ALDH1A3: variants seen among roughly 807,000 people sequenced by gnomAD.
The protein encoded by ALDH1A3 is aldehyde dehydrogenase 1 family member A3.
ALDH1A3 carries 28 observed loss-of-function variants against 57.5 expected under a neutral mutation model. The observed-to-expected ratio is 0.49, with a 90% CI of 0.36 to 0.67. ALDH1A3 has a LOEUF of 0.67. ALDH1A3 is among the 30% of genes least tolerant of loss of function. The pLI, the probability that ALDH1A3 is intolerant of heterozygous loss-of-function variation, is 0.00. For missense variants in ALDH1A3, 507 were observed against 669.4 expected (o/e 0.76, Z 2.68); for synonymous variants, 281 against 264.8 (o/e 1.06, Z -0.59).
In ALDH1A3 at chr15:100,894,162, G is replaced by A; in HGVS notation, c.666+80G>A. The stretch of plus-strand genomic sequence containing the variant: ...GGAACCAGGCCACCGTCACGAGATG[G>A]GACAGTGGCAGACTGCTGGCAATCG... On this transcript the variant is annotated intron_variant, in intron 6 of 12. Transcript: ENST00000329841. This position sits in a 1 kb window ranked among gnomAD's most constrained non-coding sequence, Gnocchi z 4.5. 1.3e-6 allele frequency: 2 copies of A among 1,532,790 alleles called. No individual in the cohort carries two copies. The highest frequency in any genetic ancestry group is 1.8e-6 in the Non-Finnish European group (2 of 1,127,698). The allele number at this position is 1,532,790 out of a possible 1,614,324, so 94.9% of individuals were successfully genotyped here.
chr15:100,887,792 A>C lies in ALDH1A3; in HGVS notation c.345+80A>C. 3 of 1,471,766 alleles carry C rather than the reference A, an allele frequency of 2.0e-6. No individual in the cohort carries two copies. Among genetic ancestry groups the C allele is most frequent in the Middle Eastern group, 4.8e-4 (2 of 4,208 alleles). 91.2% of individuals were successfully genotyped at this position (1,471,766 alleles called of 1,614,324 possible). ...CTGTCCACCATGGGGTATGGGAAAA[A>C]AGATCACGGTCCTGGTTTTGTGTGG... is the stretch of plus-strand genomic sequence containing the variant. On this transcript the variant is annotated intron_variant, in intron 3 of 12. Transcript: ENST00000329841. This position sits in a 1 kb window ranked among gnomAD's most constrained non-coding sequence, Gnocchi z 4.6.
intron 12 of ALDH1A3, among the ~76,000 whole-genome samples, chr15:100,912,802 T>C (rs2041893319): frequency 6.6e-6 from 1 of 152,204 alleles, no homozygotes; most frequent in Non-Finnish European, 1.5e-5. Flanking sequence ...CTAAGCAACA[T>C]AGTTCTAAGC....
rs2041699559 is a variant in ALDH1A3, at chr15:100,896,013, G to A, written c.747G>A (p.Gln249=). 1.2e-6 allele frequency: 2 copies of A among 1,612,716 alleles called. No individual in the cohort carries two copies. The highest frequency in any genetic ancestry group is 2.7e-5 in the African/African-American group (2 of 74,898). ...GAGCAGCAATTTCTTCTCACCCTCA[G>A]ATCAACAAGATCGCCTTCACCGGCT... The part of the protein sequence containing the change: ...TVGAAISSHP[Q]INKIAFTGST... Residue 249 remains glutamine (Q), a synonymous_variant, in exon 7 of 13, where the codon CAG becomes CAA. Transcript: ENST00000329841.
chr15:100,885,287 G>T lies in ALDH1A3; in HGVS notation c.120G>T (p.Trp40Cys). 6.2e-7 allele frequency: 1 copy of T among 1,613,214 alleles called. No homozygotes were observed. Among genetic ancestry groups the T allele is most frequent in the Non-Finnish European group, 8.5e-7 (1 of 1,179,178 alleles). Residue 40 changes from tryptophan (W) to cysteine (C), a missense_variant, in exon 2 of 13, where the codon TGG becomes TGT. Physicochemically the swap from Trp to Cys is radical, Grantham distance 215 (BLOSUM62 -2). This residue lies in a region of ALDH1A3 where 75 missense variants were observed against 61.0 expected (regional missense o/e 1.23). Coordinates refer to ENST00000329841, the MANE Select transcript of ALDH1A3 (RefSeq NM_000693.4). ...KFTKIFINNE[W>C]HESKSGKKFA... ...GTTAGATATTTATCAACAATGAATG[G>T]CACGAATCCAAGAGTGGGAAAAAGT...
At chr15:100,895,856 G>T in intron 6 of ALDH1A3, 77 bp from the exon 7 acceptor site, 1 of 1,290,138 alleles carries the variant, frequency 7.8e-7, no homozygotes, top group South Asian at 1.3e-5. Flanking sequence ...AGGCAGCCAC[G>T]GCTCTCTCGG....
intron 8 of ALDH1A3, 33 bp from the exon 9 acceptor site, chr15:100,900,542 C>A: frequency 6.5e-7 from 1 of 1,549,130 alleles, no homozygotes; most frequent in Non-Finnish European, 8.7e-7. Flanking sequence ...CTTCCTCTCG[C>A]TCTGCCCGCC....
At position 100,892,403 on chromosome 15, in the gene ALDH1A3, G is replaced by A. The variant is rs1002001708; in HGVS notation, c.346-107G>A. 8 of 1,475,396 alleles carry A rather than the reference G, an allele frequency of 5.4e-6. No individual in the cohort carries two copies. The Admixed American group carries it at 6.4e-5, about 12-fold the overall frequency. 91.4% of individuals were successfully genotyped at this position (1,475,396 alleles called of 1,614,324 possible). On this transcript the variant is annotated intron_variant, in intron 3 of 12. Transcript: ENST00000329841. ...TGCATCTGACTGTGAGGTCTACAGA[G>A]CAATGTCCTAGGACTGTGTTCTCTC...
rs766308104 is a variant in ALDH1A3 at position 100,894,111 on chromosome 15, T to A, written c.666+29T>A. On this transcript the variant is annotated intron_variant, in intron 6 of 12. Coordinates refer to ENST00000329841, the MANE Select transcript of ALDH1A3 (RefSeq NM_000693.4). This position sits in a 1 kb window ranked among gnomAD's most constrained non-coding sequence, Gnocchi z 4.5. ...AGACATCCAAAAAGAAAATATCACA[T>A]GTTCTTGGTAACATTCCCACTCCTA... 17 of 1,611,458 alleles carry A rather than the reference T, an allele frequency of 1.1e-5. No individual in the cohort carries two copies. The East Asian group carries it at 3.3e-4, about 32-fold the overall frequency.
Position 100,914,854 on chromosome 15 carries a change from T to C in ALDH1A3, c.*81T>C. On this transcript the variant is annotated 3_prime_UTR_variant, in exon 13 of 13. Coordinates refer to ENST00000329841, the MANE Select transcript of ALDH1A3 (RefSeq NM_000693.4). Reference sequence around the variant, plus strand: ...TGTGCTGGAGGAAAAAAATGACATTTCTGACCTTCCCGGGACACATTCTTC... The same window carrying C: ...TGTGCTGGAGGAAAAAAATGACATTCCTGACCTTCCCGGGACACATTCTTC... The C allele has an allele frequency of 1.5e-6, 2 of 1,350,364 alleles. No individual in the cohort carries two copies. The highest frequency in any genetic ancestry group is 2.4e-5 in the South Asian group (2 of 81,716). 83.6% of individuals were successfully genotyped at this position (1,350,364 alleles called of 1,614,324 possible).
rs995491516 is a variant in ALDH1A3, at chr15:100,903,294, C to T, written c.1069-2229C>T. Among the ~76,000 whole-genome samples, 6 of 152,082 alleles carry T rather than the reference C, an allele frequency of 3.9e-5. No homozygotes were observed. In the East Asian group the frequency reaches 5.8e-4, roughly 15 times the overall value. ...CCTGATTGCCTTTGTTATTTTTACA[C>T]GGAAGTTTCCATGATAGTATATCAT... is the stretch of plus-strand genomic sequence containing the variant. On this transcript the variant is annotated intron_variant, in intron 9 of 12. Transcript: ENST00000329841.
At chr15:100,911,271 C>T (rs554339137) in intron 12 of ALDH1A3, among the ~76,000 whole-genome samples, 2 of 152,346 alleles carry the variant, frequency 1.3e-5, no homozygotes, top group South Asian at 4.1e-4. Context: ...CGTCCCCGGC[C>T]ACCTGGACTG....
In ALDH1A3 at chr15:100,893,848, A is replaced by T. The variant is rs1027716093; in HGVS notation, c.538-106A>T. The T allele has an allele frequency of 1.3e-6, 2 of 1,493,432 alleles. No homozygotes were observed. The highest frequency in any genetic ancestry group is 1.8e-6 in the Non-Finnish European group (2 of 1,112,800). 92.5% of individuals were successfully genotyped at this position (1,493,432 alleles called of 1,614,324 possible). A position where few individuals can be genotyped will look rare whatever the true frequency, so the allele number is the denominator to read the frequency against. ...TCCTATGTTACCCCACATACCCCAA[A>T]TCCAGACCATGAAAAGCAAGTGTCC... On this transcript the variant is annotated intron_variant, in intron 5 of 12. Transcript: ENST00000329841. This position sits in a 1 kb window ranked among gnomAD's most constrained non-coding sequence, Gnocchi z 4.8.
intron 7 of ALDH1A3, among the ~76,000 whole-genome samples, chr15:100,897,278 G>T (rs1167013936): frequency 6.6e-6 from 1 of 152,214 alleles, no homozygotes; most frequent in African/African-American, 2.4e-5. Context: ...GAAGAGCCTG[G>T]GCCGCGCCTT....
chr15:100,904,722 G>T (rs181891520), intron 9 of ALDH1A3, among the ~76,000 whole-genome samples: 1 of 152,202 alleles, frequency 6.6e-6, no homozygotes, highest in Non-Finnish European at 1.5e-5. Flanking sequence ...GCTCAGTAGC[G>T]TGTTCACAAG....
At chr15:100,907,420 T>A in intron 11 of ALDH1A3, 142 bp downstream of exon 11, 12 of 979,706 alleles carry the variant, frequency 1.2e-5, no homozygotes, top group Non-Finnish European at 1.8e-5. Flanking sequence ...TCCATCCTCA[T>A]GACCATCTTC....
Position 100,894,259 on chromosome 15 carries a change from G to A in ALDH1A3, c.666+177G>A. 2 of 728,212 alleles carry A rather than the reference G, an allele frequency of 2.7e-6. No homozygotes were observed. The highest frequency in any genetic ancestry group is 4.4e-6 in the Non-Finnish European group (2 of 456,694). 45.1% of individuals were successfully genotyped at this position (728,212 alleles called of 1,614,324 possible). ...TCTTTCTCCTGCTTGTGGCCACTGA[G>A]CTGGAGAAACTCCATTCCTCCCAGT... is the stretch of plus-strand genomic sequence containing the variant. On this transcript the variant is annotated intron_variant, in intron 6 of 12. Coordinates refer to ENST00000329841, the MANE Select transcript of ALDH1A3 (RefSeq NM_000693.4). The surrounding 1 kb of genome is among the most constrained non-coding windows in gnomAD (Gnocchi z 4.5).
intron 9 of ALDH1A3, among the ~76,000 whole-genome samples, chr15:100,901,026 G>C (rs933787060): frequency 6.6e-6 from 1 of 152,196 alleles, no homozygotes; most frequent in Non-Finnish European, 1.5e-5. Flanking sequence ...CCACTCTCCA[G>C]GATGACCTCC....
chr15:100,895,968 A>C lies in ALDH1A3; in HGVS notation c.702A>C (p.Pro234=). The change falls in exon 7 of 13, where the codon CCA becomes CCC. Residue 234 remains proline (P), a synonymous_variant. Transcript: ENST00000329841. ...GFPPGVVNIV[P]GFGPTVGAAI... ...CTCCAGGAGTGGTGAACATTGTGCC[A>C]GGATTCGGGCCCACAGTGGGAGCAG... The C allele has an allele frequency of 6.2e-7, 1 of 1,613,812 alleles. No homozygotes were observed. Among genetic ancestry groups the C allele is most frequent in the African/African-American group, 1.3e-5 (1 of 75,054 alleles).
chr15:100,903,093 C>A (rs1380742561), intron 9 of ALDH1A3, among the ~76,000 whole-genome samples: 1 of 152,196 alleles, frequency 6.6e-6, no homozygotes, highest in Non-Finnish European at 1.5e-5. Flanking sequence ...AGTACACATA[C>A]ACGGGTCAAA....
Sources: gnomAD v4.1 joint callset for allele counts (sites outside exome capture counted in the v4.1 genomes callset) on GRCh38, gnomAD v4.1.1 for gene constraint, gnomAD v4.1.1 regional missense constraint, Gnocchi (gnomAD v3.1) non-coding constraint, MANE v1.5 for transcripts, NCBI Gene and HGNC (gene_info 2026-07-23, HGNC 2026-07-21) for gene names.